PDIA6: variants seen among roughly 807,000 people sequenced by gnomAD.
PDIA6 encodes protein disulfide isomerase family A member 6.
A neutral mutation model predicts 58.4 loss-of-function variants in PDIA6; 29 were observed. The observed-to-expected ratio is 0.50, with a 90% CI of 0.37 to 0.68. The LOEUF is 0.68. Ranked by LOEUF, PDIA6 falls within the 30% of genes least tolerant of loss-of-function variation. The pLI, the probability that PDIA6 is intolerant of heterozygous loss-of-function variation, is 0.00. For synonymous variants in PDIA6, 192 were observed against 202.6 expected (o/e 0.95, Z 0.44); for missense variants, 480 against 551.0 (o/e 0.87, Z 1.29).
chr2:10,801,046 A>G (rs576621612), intron 2 of PDIA6, among the ~76,000 whole-genome samples: 15 of 152,284 alleles, frequency 9.9e-5, no homozygotes, highest in Middle Eastern at 3.4e-3. Context: ...TGCGAGGCCG[A>G]GACAGGCGAA....
chr2:10,810,228 G>T, intron 1 of PDIA6: 1 of 1,338,032 alleles, frequency 7.5e-7, no homozygotes, highest in Non-Finnish European at 1.0e-6. Flanking sequence ...CTTTAACACA[G>T]AAAGGATAAC....
chr2:10,827,051 A>C (rs1667572929), intron 1 of PDIA6, among the ~76,000 whole-genome samples: 1 of 152,140 alleles, frequency 6.6e-6, no homozygotes, highest in African/African-American at 2.4e-5. Flanking sequence ...AACTGATCAG[A>C]ATTCATATGT....
At chr2:10,823,642 C>G (rs1237550899) in intron 1 of PDIA6, among the ~76,000 whole-genome samples, 1 of 152,204 alleles carries the variant, frequency 6.6e-6, no homozygotes, top group Non-Finnish European at 1.5e-5. Flanking sequence ...CAATTGCCAC[C>G]ACCTTGGTTC....
chr2:10,801,017 A>G (rs115679383), intron 2 of PDIA6, among the ~76,000 whole-genome samples: 2,486 of 152,260 alleles, frequency 0.016, 83 homozygotes, highest in African/African-American at 0.058. Flanking sequence ...AGTGGCTCAC[A>G]GCTGTAATCC....
chr2:10,801,696 A>T (rs1354203635), intron 2 of PDIA6, among the ~76,000 whole-genome samples: 1 of 152,238 alleles, frequency 6.6e-6, no homozygotes, highest in Non-Finnish European at 1.5e-5. Context: ...CTGAGCATGA[A>T]GTAAAATGGT....
chr2:10,794,715 TC>T (rs1284422506), intron 4 of PDIA6, among the ~76,000 whole-genome samples: 1 of 151,948 alleles, frequency 6.6e-6, no homozygotes, highest in Non-Finnish European at 1.5e-5. Context: ...GATCATGAGG[TC>T]AAGAGTTCGA....
At chr2:10,808,770 G>A (rs1348195885) in intron 1 of PDIA6, among the ~76,000 whole-genome samples, 2 of 152,174 alleles carry the variant, frequency 1.3e-5, no homozygotes, top group South Asian at 2.1e-4. Flanking sequence ...ACTAAGATAT[G>A]CTGGTAAAAA....
At chr2:10,813,099 A>AC (rs548088656), upstream of PDIA6, among the ~76,000 whole-genome samples, 90 of 149,054 alleles carry the variant, frequency 6.0e-4, no homozygotes, top group African/African-American at 1.6e-3. Context: ...CTTATTCTGC[A>AC]CCCCCCCACC....
At chr2:10,818,006 C>A (rs1667252600) in intron 2 of PDIA6, among the ~76,000 whole-genome samples, 1 of 152,104 alleles carries the variant, frequency 6.6e-6, no homozygotes, top group South Asian at 2.1e-4. Flanking sequence ...CCTAGGGGTG[C>A]TCAGGAGACA....
chr2:10,788,992 C>CA lies in PDIA6; in HGVS notation c.841-12dup. 6.2e-7 allele frequency: 1 copy of CA among 1,610,292 alleles called. No homozygotes were observed. Among genetic ancestry groups the CA allele is most frequent in the Non-Finnish European group, 8.5e-7 (1 of 1,176,552 alleles). Reference sequence around the variant, plus strand: ...GTCCTCGTTGATAATCTGTGGGACCCAAAAGACAAGGGACAATCAGGAGGC... The same window carrying CA: ...GTCCTCGTTGATAATCTGTGGGACCCAAAAAGACAAGGGACAATCAGGAGGC... On this transcript the variant is annotated splice_polypyrimidine_tract_variant and intron_variant, in intron 8 of 12. Coordinates refer to ENST00000272227, the MANE Select transcript of PDIA6 (RefSeq NM_005742.4).
intron 5 of PDIA6, 33 bp downstream of exon 5, chr2:10,793,063 G>T: frequency 7.1e-7 from 1 of 1,415,408 alleles, no homozygotes; most frequent in South Asian, 1.2e-5. Context: ...TCAAAATTAT[G>T]ACACATTAAA....
In PDIA6 at chr2:10,783,977, AG is replaced by A; in HGVS notation, c.*280del. 3.8e-6 allele frequency: 1 copy of A among 266,236 alleles called. No individual in the cohort carries two copies. Among genetic ancestry groups the A allele is most frequent in the Non-Finnish European group, 7.0e-6 (1 of 142,412 alleles). The allele number at this position is 266,236 out of a possible 1,614,324, so 16.5% of individuals were successfully genotyped here. A position where few individuals can be genotyped will look rare whatever the true frequency, so the allele number is the denominator to read the frequency against. On this transcript the variant is annotated 3_prime_UTR_variant, in exon 13 of 13. Transcript: ENST00000272227. ...CAGCCTCCAAGAACATTCAAGCAGC[AG>A]TCAGAGAGAAAAATGTTTCGACAGC...
chr2:10,825,356 C>A (rs114603907), intron 1 of PDIA6, among the ~76,000 whole-genome samples: 1 of 152,072 alleles, frequency 6.6e-6, no homozygotes, highest in Non-Finnish European at 1.5e-5. Context: ...CTGACTAATA[C>A]GGTATCTTAA....
At chr2:10,806,025 T>TA (rs80344702) in intron 1 of PDIA6, among the ~76,000 whole-genome samples, 2,189 of 71,170 alleles carry the variant, frequency 0.031, 84 homozygotes, top group East Asian at 0.098. Flanking sequence ...AAAGTATAAT[T>TA]AAAAAAAAAA....
upstream of PDIA6, among the ~76,000 whole-genome samples, chr2:10,835,955 T>G (rs1292773584): frequency 3.3e-5 from 5 of 150,880 alleles, no homozygotes; most frequent in Non-Finnish European, 5.9e-5. Context: ...GGAGGCTGAG[T>G]CAAGAGAATC....
chr2:10,810,169 AC>A lies in PDIA6; in HGVS notation c.19+2508del, dbSNP rs1666942956. 12 of 766,594 alleles carry A rather than the reference AC, an allele frequency of 1.6e-5. No homozygotes were observed. The South Asian group carries it at 1.8e-4, about 11-fold the overall frequency. The allele number at this position is 766,594 out of a possible 1,614,324, so 47.5% of individuals were successfully genotyped here. A position where few individuals can be genotyped will look rare whatever the true frequency, so the allele number is the denominator to read the frequency against. On this transcript the variant is annotated intron_variant, in intron 1 of 12. Transcript: ENST00000272227. ...TTTGCATATATTAAGTCATTTAAGA[AC>A]CCTATGTGGTATGTGTCATGGTGCC... is the stretch of plus-strand genomic sequence containing the variant.
chr2:10,812,357 C>A (rs1296759928), intron 1 of PDIA6, among the ~76,000 whole-genome samples: 1 of 152,010 alleles, frequency 6.6e-6, no homozygotes, highest in African/African-American at 2.4e-5. Context: ...GGAATACAGA[C>A]CCCCTCCCCG....
chr2:10,811,314 G>A (rs1381475479), intron 1 of PDIA6, among the ~76,000 whole-genome samples: 1 of 152,154 alleles, frequency 6.6e-6, no homozygotes, highest in Non-Finnish European at 1.5e-5. Context: ...AGGATCACTC[G>A]AGGCCAGGAG....
At chr2:10,784,541 A>G (rs1665609757) in intron 12 of PDIA6, 2 of 514,046 alleles carry the variant, frequency 3.9e-6, no homozygotes, top group East Asian at 3.0e-5. Flanking sequence ...ATCACTCACC[A>G]TTTTAACACT....
Sources: gnomAD v4.1 joint callset for allele counts (sites outside exome capture counted in the v4.1 genomes callset) on GRCh38, gnomAD v4.1.1 for gene constraint, MANE v1.5 for transcripts, NCBI Gene and HGNC (gene_info 2026-07-23, HGNC 2026-07-21) for gene names.